The following UGT3A2 variants were observed in gnomAD, a reference collection of about 807,000 sequenced individuals.
The protein encoded by UGT3A2 is UDP glycosyltransferase family 3 member A2, also known as UDP-glycosyltransferase 3A2.
UGT3A2 carries 32 observed loss-of-function variants against 39.8 expected under a neutral mutation model. That is an observed-to-expected ratio of 0.80 (90% CI 0.61 to 1.08). The LOEUF (loss-of-function observed/expected upper bound fraction) is 1.08. Among genes scored for constraint, UGT3A2 ranks in the 50% least tolerant of loss-of-function variants. The probability of loss-of-function intolerance (pLI) is 0.00; values close to 1 mark genes in which losing one functional copy is unlikely to be tolerated. For synonymous variants in UGT3A2, 241 were observed against 230.7 expected, an observed-to-expected ratio of 1.04 and a Z score of -0.40; for missense variants, 611 against 637.1, an observed-to-expected ratio of 0.96 and a Z score of 0.44.
At chr5:36,055,211 G>C (rs1742469225) in intron 2 of UGT3A2, among the ~76,000 whole-genome samples, 1 of 141,758 alleles carries the variant, frequency 7.1e-6, no homozygotes, top group Non-Finnish European at 1.5e-5. Flanking sequence ...CACTAAACAA[G>C]AGGCTGCTCT....
Position 36,037,906 on chromosome 5 carries a change from C to T in UGT3A2, c.1186G>A (p.Glu396Lys). ...TTGGCTTCTACTCGGACCATGTTTT[C>T]AGGCTGGTCTCCAAAGAGAGGGATC... Reference protein sequence around the residue: ...VGIPLFGDQPENMVRVEAKKF... With the variant: ...VGIPLFGDQPKNMVRVEAKKF... The change falls in exon 6 of 7, where the codon GAA (glutamate) becomes AAA (lysine). Residue 396 changes from glutamate (E) to lysine (K), a missense_variant. By Grantham distance (56) the Glu-to-Lys change is moderately conservative. Transcript: ENST00000282507. The T allele has an allele frequency of 6.2e-7, 1 of 1,614,166 alleles. No homozygotes were observed. The highest frequency in any genetic ancestry group is 8.5e-7 in the Non-Finnish European group (1 of 1,180,032).
intron 2 of UGT3A2, among the ~76,000 whole-genome samples, chr5:36,057,661 A>C (rs897558118): frequency 6.6e-6 from 1 of 150,942 alleles, no homozygotes; most frequent in Non-Finnish European, 1.5e-5. Context: ...TCAGCTTCCC[A>C]CGTAGCTGGG....
chr5:36,048,975 A>T lies in UGT3A2; in HGVS notation c.757T>A (p.Phe253Ile). ...KAELWFINSD[F>I]AFDFARPLLP... Reference sequence around the variant, plus strand: ...AGAGGTCGAGCAAAATCAAAGGCAAAGTCAGAGTTAATGAACCACAACTCT... The same window carrying T: ...AGAGGTCGAGCAAAATCAAAGGCAATGTCAGAGTTAATGAACCACAACTCT... Residue 253 changes from phenylalanine to isoleucine, a missense_variant, in exon 4 of 7, where the codon TTT becomes ATT. By Grantham distance (21) the Phe-to-Ile change is conservative. Coordinates refer to ENST00000282507, the MANE Select transcript of UGT3A2 (RefSeq NM_174914.4). The T allele has an allele frequency of 5.6e-6, 9 of 1,614,226 alleles. No individual in the cohort carries two copies. Among genetic ancestry groups the T allele is most frequent in the Non-Finnish European group, 7.6e-6 (9 of 1,180,040 alleles).
intron 4 of UGT3A2, among the ~76,000 whole-genome samples, chr5:36,047,206 C>T (rs959249924): frequency 6.6e-6 from 1 of 152,190 alleles, no homozygotes; most frequent in African/African-American, 2.4e-5. Context: ...GTTTATCTTA[C>T]ACATATTGAT....
At chr5:36,049,928 C>G (rs1421840786) in intron 3 of UGT3A2, among the ~76,000 whole-genome samples, 3 of 152,110 alleles carry the variant, frequency 2.0e-5, no homozygotes, top group African/African-American at 7.2e-5. Flanking sequence ...AGTCAAGGAA[C>G]TCTTTGATTA....
intron 6 of UGT3A2, among the ~76,000 whole-genome samples, chr5:36,037,390 G>T (rs571804002): frequency 6.6e-6 from 1 of 152,260 alleles, no homozygotes; most frequent in African/African-American, 2.4e-5. Context: ...ATGCAACAAA[G>T]GAGCCAGTAT....
In UGT3A2 at chr5:36,035,568, T is replaced by C. The variant is rs947352392; in HGVS notation, c.*130A>G. 9 of 1,374,798 alleles carry C rather than the reference T, an allele frequency of 6.5e-6. No homozygotes were observed. The highest frequency in any genetic ancestry group is 8.8e-6 in the Non-Finnish European group (9 of 1,026,206). 85.2% of individuals were successfully genotyped at this position (1,374,798 alleles called of 1,614,324 possible). On this transcript the variant is annotated 3_prime_UTR_variant, in exon 7 of 7. Transcript: ENST00000282507. ...GTGGAAAGGATGATTTTTGGCCATT[T>C]TTCCTGTTCTTCAAGAAAACAGGAG...
chr5:36,062,562 G>A (rs2111776233), intron 2 of UGT3A2, among the ~76,000 whole-genome samples: 1 of 151,608 alleles, frequency 6.6e-6, no homozygotes, highest in South Asian at 2.1e-4. Flanking sequence ...TAGATATGCG[G>A]CGTTATTTCT....
chr5:36,063,398 A>G (rs139381012), intron 2 of UGT3A2, among the ~76,000 whole-genome samples: 2 of 152,302 alleles, frequency 1.3e-5, no homozygotes, highest in African/African-American at 4.8e-5. Context: ...TTTGGACTCA[A>G]TGACTCCATT....
In UGT3A2 at chr5:36,052,041, C is replaced by T. The variant is rs1007719652; in HGVS notation, c.197-57G>A. 8 of 1,053,046 alleles carry T rather than the reference C, an allele frequency of 7.6e-6. No individual in the cohort carries two copies. In the African/African-American group the frequency reaches 9.7e-5, roughly 13 times the overall value. 65.2% of individuals were successfully genotyped at this position (1,053,046 alleles called of 1,614,324 possible). ...TTAAATATGCTACACAAAAGAGTAA[C>T]ATTAGCATAACAATATCAAAACTTA... On this transcript the variant is annotated intron_variant, in intron 2 of 6. Transcript: ENST00000282507.
At chr5:36,056,630 C>A (rs150923645) in intron 2 of UGT3A2, among the ~76,000 whole-genome samples, 1 of 152,200 alleles carries the variant, frequency 6.6e-6, no homozygotes, top group Non-Finnish European at 1.5e-5. Context: ...ATACTCTGAC[C>A]GTTTAATCCT....
rs755348957 is a variant in UGT3A2 at position 36,066,813 on chromosome 5, A to T, written c.-24T>A. 6.8e-6 allele frequency: 11 copies of T among 1,613,940 alleles called. No homozygotes were observed. The highest frequency in any genetic ancestry group is 9.3e-6 in the Non-Finnish European group (11 of 1,179,924). ...ATGCTCACTTCTACGGAAGCCGCGG[A>T]TCTCAGCCTGGGCTGCGCGCCCTGC... On this transcript the variant is annotated 5_prime_UTR_variant, in exon 1 of 7. Transcript: ENST00000282507.
intron 2 of UGT3A2, among the ~76,000 whole-genome samples, chr5:36,053,646 T>C (rs1742419083): frequency 6.6e-6 from 1 of 152,234 alleles, no homozygotes; most frequent in South Asian, 2.1e-4. Context: ...TATTGCTGCT[T>C]TAACAAATTA....
chr5:36,038,880 T>C (rs3887704), intron 5 of UGT3A2, among the ~76,000 whole-genome samples: 24,016 of 152,186 alleles, frequency 0.16, 2,023 homozygotes, highest in East Asian at 0.27. Context: ...GTGAGGGAGC[T>C]CTCTGGTCCC....
intron 4 of UGT3A2, 137 bp from the exon 5 acceptor site, chr5:36,039,845 T>A: frequency 3.0e-6 from 2 of 672,762 alleles, no homozygotes; most frequent in Non-Finnish European, 5.1e-6. Flanking sequence ...TAGCTCCTAG[T>A]ATAGCTCGAT....
At chr5:36,039,842 T>C (rs905072210) in intron 4 of UGT3A2, 134 bp from the exon 5 acceptor site, 5 of 687,824 alleles carry the variant, frequency 7.3e-6, no homozygotes, top group Non-Finnish European at 1.2e-5. Context: ...TTATAGCTCC[T>C]AGTATAGCTC....
chr5:36,052,558 A>C (rs1237845796), intron 2 of UGT3A2, among the ~76,000 whole-genome samples: 1 of 151,828 alleles, frequency 6.6e-6, no homozygotes, highest in Non-Finnish European at 1.5e-5. Flanking sequence ...TGGTAAGAAA[A>C]CTCACACACA....
At chr5:36,037,439 G>A (rs1004436892) in intron 6 of UGT3A2, among the ~76,000 whole-genome samples, 3 of 152,138 alleles carry the variant, frequency 2.0e-5, no homozygotes, top group African/African-American at 7.2e-5. Flanking sequence ...CCAAGGGGGA[G>A]AAGAGTGCGG....
chr5:36,049,436 G>C lies in UGT3A2; in HGVS notation c.312-16C>G, dbSNP rs1051418706. 1.3e-6 allele frequency: 2 copies of C among 1,514,562 alleles called. No individual in the cohort carries two copies. The highest frequency in any genetic ancestry group is 4.5e-5 in the East Asian group (2 of 44,148). 93.8% of individuals were successfully genotyped at this position (1,514,562 alleles called of 1,614,324 possible). A position where few individuals can be genotyped will look rare whatever the true frequency, so the allele number is the denominator to read the frequency against. The stretch of plus-strand genomic sequence containing the variant: ...AAATTTTCCTCTGTAAGAAAAAAAT[G>C]ATAATAAATATTCATGGGAAGTGTT... On this transcript the variant is annotated splice_polypyrimidine_tract_variant and intron_variant, in intron 3 of 6. Coordinates refer to ENST00000282507, the MANE Select transcript of UGT3A2 (RefSeq NM_174914.4).
Sources: gnomAD v4.1 joint callset for allele counts (sites outside exome capture counted in the v4.1 genomes callset) on GRCh38, gnomAD v4.1.1 for gene constraint, MANE v1.5 for transcripts, NCBI Gene and HGNC (gene_info 2026-07-23, HGNC 2026-07-21) for gene names.